Variants in RIN2 observed in about 807,000 individuals in gnomAD.
RIN2 encodes Ras and Rab interactor 2, also known as RAB5 interacting protein 2.
Under a neutral mutation model 78.0 loss-of-function variants are expected in RIN2, and 36 were observed. The observed-to-expected ratio is 0.46, with a 90% CI of 0.35 to 0.61. The LOEUF is 0.61. Among genes scored for constraint, RIN2 ranks in the 20% least tolerant of loss-of-function variants. The probability of loss-of-function intolerance (pLI) is 0.00; values close to 1 mark genes in which losing one functional copy is unlikely to be tolerated. For missense variants in RIN2, 1,087 were observed against 1,159.7 expected, an observed-to-expected ratio of 0.94 and a Z score of 0.91; for synonymous variants, 466 against 466.8, an observed-to-expected ratio of 1.00 and a Z score of 0.02.
chr20:19,766,807 G>A (rs1403447121), intron 1 of RIN2, among the ~76,000 whole-genome samples: 1 of 151,938 alleles, frequency 6.6e-6, no homozygotes, highest in Non-Finnish European at 1.5e-5. Flanking sequence ...TGCTACTCGG[G>A]AGATTGAGGC....
intron 2 of RIN2, among the ~76,000 whole-genome samples, chr20:19,819,480 A>C (rs1274093816): frequency 7.2e-5 from 11 of 152,236 alleles, no homozygotes; most frequent in Admixed American, 2.0e-4. Flanking sequence ...TCATAACAAG[A>C]GGGGACTTTC....
At chr20:19,939,219 TG>T (rs61214416) in intron 4 of RIN2, among the ~76,000 whole-genome samples, 1,850 of 152,330 alleles carry the variant, frequency 0.012, 36 homozygotes, top group African/African-American at 0.042. Flanking sequence ...GGCTAATTTT[TG>T]TAATTTTAGT....
chr20:19,810,954 G>T (rs1174003787), intron 2 of RIN2, among the ~76,000 whole-genome samples: 1 of 150,200 alleles, frequency 6.7e-6, no homozygotes. Context: ...CTCGTGATCC[G>T]CCCGCCTCGG....
At chr20:19,951,153 C>G (rs569685867) in intron 4 of RIN2, among the ~76,000 whole-genome samples, 4 of 152,242 alleles carry the variant, frequency 2.6e-5, no homozygotes, top group Non-Finnish European at 5.9e-5. Context: ...CTTGCCCTCC[C>G]AAAGTGCTGG....
chr20:19,963,191 C>A (rs982710156), intron 6 of RIN2, among the ~76,000 whole-genome samples: 1 of 152,314 alleles, frequency 6.6e-6, no homozygotes, highest in Middle Eastern at 3.4e-3. Context: ...GTTCCCTCCT[C>A]CTTAACTCTA....
Position 20,001,216 on chromosome 20 carries a change from T to C in RIN2, c.*280T>C. The C allele has an allele frequency of 2.3e-6, 1 of 437,138 alleles. No individual in the cohort carries two copies. Among genetic ancestry groups the C allele is most frequent in the South Asian group, 3.7e-5 (1 of 27,100 alleles). The allele number at this position is 437,138 out of a possible 1,614,324, so 27.1% of individuals were successfully genotyped here. On this transcript the variant is annotated 3_prime_UTR_variant, in exon 13 of 13. Transcript: ENST00000255006. ...TACCTACCCCCAGTCAGGTTCTAGG[T>C]TGGCTTACAGGTATGTATATGTGCA...
intron 3 of RIN2, among the ~76,000 whole-genome samples, chr20:19,915,894 T>C (rs1666320593): frequency 6.6e-6 from 1 of 152,202 alleles, no homozygotes; most frequent in Non-Finnish European, 1.5e-5. Flanking sequence ...CCCTATCCAA[T>C]TCCTTTCACT....
At chr20:19,970,106 G>C (rs1008750432) in intron 7 of RIN2, among the ~76,000 whole-genome samples, 3 of 152,216 alleles carry the variant, frequency 2.0e-5, no homozygotes, top group African/African-American at 7.2e-5. Context: ...GGGTGCTGGG[G>C]TTATTGGCAT....
chr20:19,959,890 C>T (rs547022031), intron 5 of RIN2, among the ~76,000 whole-genome samples: 29 of 152,306 alleles, frequency 1.9e-4, no homozygotes, highest in Admixed American at 1.6e-3. Context: ...CAACAGTACA[C>T]AGCATACTTA....
intron 3 of RIN2, among the ~76,000 whole-genome samples, chr20:19,897,144 C>T (rs1178972007): frequency 1.3e-5 from 2 of 152,048 alleles, no homozygotes; most frequent in Non-Finnish European, 2.9e-5. Flanking sequence ...CTCTCTCTGT[C>T]GCCCAGACTG....
intron 4 of RIN2, among the ~76,000 whole-genome samples, chr20:19,939,574 C>T (rs1221612770): frequency 6.6e-6 from 1 of 152,190 alleles, no homozygotes; most frequent in African/African-American, 2.4e-5. Context: ...CTTCAAGACT[C>T]TATAAGATGT....
Position 19,952,547 on chromosome 20 carries a change from C to T in RIN2, c.159-4068C>T, listed in dbSNP as rs375893029. ...ATTATGGTTGCTGTTTTATAAGGCC[C>T]CATGAATCTTATTCACCATCTTCCT... On this transcript the variant is annotated intron_variant, in intron 4 of 12. Transcript: ENST00000255006. Among the ~76,000 whole-genome samples the T allele has an allele frequency of 2.6e-5, 4 of 152,270 alleles. No homozygotes were observed. In the East Asian group the frequency reaches 7.7e-4, roughly 29 times the overall value.
intron 1 of RIN2, among the ~76,000 whole-genome samples, chr20:19,797,796 G>A (rs192055835): frequency 2.7e-5 from 4 of 150,474 alleles, no homozygotes; most frequent in Admixed American, 1.3e-4. Context: ...AGTTCACATT[G>A]TTTGAGCATT....
At chr20:19,844,783 A>G (rs138963188) in intron 2 of RIN2, among the ~76,000 whole-genome samples, 8,231 of 150,750 alleles carry the variant, frequency 0.055, 286 homozygotes, top group South Asian at 0.16. Context: ...TGTACAGGAC[A>G]TGCAGGTTTG....
chr20:19,990,980 T>C (rs1348720242), intron 10 of RIN2, among the ~76,000 whole-genome samples: 2 of 152,232 alleles, frequency 1.3e-5, no homozygotes, highest in African/African-American at 4.8e-5. Flanking sequence ...TGTTGTTTCC[T>C]GTAGATGCAG....
At position 19,856,620 on chromosome 20, in the gene RIN2, G is replaced by A. The variant is rs546608004; in HGVS notation, c.-36-32946G>A. ...AGGATGGAAGAAAGGAAGGAAGGAA[G>A]GAAAGAAGGAAGGAAGGAAGGGAGG... On this transcript the variant is annotated intron_variant, in intron 2 of 12. Coordinates refer to ENST00000255006, the MANE Select transcript of RIN2 (RefSeq NM_018993.4). Among the ~76,000 whole-genome samples, 8 of 149,424 alleles carry A rather than the reference G, an allele frequency of 5.4e-5. No individual in the cohort carries two copies. In the South Asian group the frequency reaches 1.7e-3, roughly 32 times the overall value.
intron 2 of RIN2, among the ~76,000 whole-genome samples, chr20:19,878,434 G>A (rs2037921081): frequency 6.6e-6 from 1 of 152,210 alleles, no homozygotes; most frequent in South Asian, 2.1e-4. Flanking sequence ...GAGAAGAGGT[G>A]TAACAAACCA....
chr20:19,819,730 C>T (rs772690452), intron 2 of RIN2, among the ~76,000 whole-genome samples: 13 of 152,230 alleles, frequency 8.5e-5, no homozygotes, highest in Middle Eastern at 6.8e-3. Flanking sequence ...GATGGGGTCT[C>T]ACTATGTTGC....
intron 3 of RIN2, among the ~76,000 whole-genome samples, chr20:19,899,544 G>C (rs1730154546): frequency 6.6e-6 from 1 of 152,216 alleles, no homozygotes; most frequent in Non-Finnish European, 1.5e-5. Context: ...TCTAAACGCA[G>C]TTTAGCTGAG....
Sources: allele counts gnomAD v4.1 joint callset (sites outside exome capture counted in the v4.1 genomes callset), GRCh38; gene constraint gnomAD v4.1.1; transcripts MANE v1.5; gene names NCBI Gene and HGNC (gene_info 2026-07-23, HGNC 2026-07-21).